The following MOXD1 variants were observed in gnomAD, a reference collection of about 807,000 sequenced individuals.
MOXD1 encodes the protein monooxygenase DBH like 1.
Under a neutral mutation model 66.6 loss-of-function variants are expected in MOXD1, and 62 were observed. That is an observed-to-expected ratio of 0.93 (90% confidence interval 0.76 to 1.15). The LOEUF is 1.15. MOXD1 is among the 50% of genes most tolerant of loss of function. The pLI, the probability that MOXD1 is intolerant of heterozygous loss-of-function variation, is 0.00. For missense variants in MOXD1, 847 were observed against 754.6 expected (o/e 1.12, Z -1.44); for synonymous variants, 303 against 281.9 (o/e 1.07, Z -0.75).
intron 1 of MOXD1, chr6:132,392,124 C>T (rs1204458361): frequency 1.0e-5 from 15 of 1,452,404 alleles, no homozygotes; most frequent in Middle Eastern, 1.8e-4. Context: ...TCTTTGTCGC[C>T]GTTGGCTGGG....
chr6:132,322,636 G>T (rs1775099205), intron 8 of MOXD1, 43 bp downstream of exon 8: 2 of 1,564,632 alleles, frequency 1.3e-6, no homozygotes, highest in South Asian at 1.2e-5. Flanking sequence ...TATGTCTCAT[G>T]ACTTTCATAA....
intron 4 of MOXD1, among the ~76,000 whole-genome samples, chr6:132,364,607 T>C (rs1330842865): frequency 6.6e-6 from 1 of 152,178 alleles, no homozygotes; most frequent in Non-Finnish European, 1.5e-5. Flanking sequence ...CACCAACTTA[T>C]CTCAGTAAAG....
chr6:132,355,014 C>A (rs182561207), intron 4 of MOXD1, among the ~76,000 whole-genome samples: 5 of 152,162 alleles, frequency 3.3e-5, no homozygotes, highest in Non-Finnish European at 5.9e-5. Context: ...GCCCCTCCCC[C>A]AACATCCTGT....
chr6:132,345,359 T>C (rs1775649581), intron 4 of MOXD1, among the ~76,000 whole-genome samples: 1 of 152,188 alleles, frequency 6.6e-6, no homozygotes, highest in Admixed American at 6.5e-5. Context: ...ATTTTGTCTA[T>C]CTATATTATC....
At chr6:132,344,221 A>T (rs1157029985) in intron 4 of MOXD1, among the ~76,000 whole-genome samples, 1 of 152,202 alleles carries the variant, frequency 6.6e-6, no homozygotes, top group African/African-American at 2.4e-5. Context: ...GTGTATTTTT[A>T]AAAATTCTGG....
intron 1 of MOXD1, among the ~76,000 whole-genome samples, chr6:132,395,527 T>C (rs756100875): frequency 1.3e-5 from 2 of 152,084 alleles, no homozygotes; most frequent in Non-Finnish European, 2.9e-5. Flanking sequence ...AGCTCTCACA[T>C]ATCAATAATA....
intron 1 of MOXD1, among the ~76,000 whole-genome samples, chr6:132,393,438 G>A (rs368921676): frequency 3.3e-4 from 50 of 152,298 alleles, no homozygotes; most frequent in African/African-American, 1.1e-3. Context: ...AAGCAAGGAA[G>A]CCAGCTTAGC....
chr6:132,302,140 A>G (rs1187715918), intron 10 of MOXD1, among the ~76,000 whole-genome samples: 2 of 152,152 alleles, frequency 1.3e-5, no homozygotes, highest in Admixed American at 1.3e-4. Flanking sequence ...TGGGCAATGA[A>G]CAACTAGAAG....
intron 9 of MOXD1, among the ~76,000 whole-genome samples, chr6:132,316,358 G>A (rs114612491): frequency 1.3e-5 from 2 of 151,992 alleles, no homozygotes; most frequent in African/African-American, 2.4e-5. Context: ...ACCTTCAATG[G>A]AGAAAAGTCA....
intron 1 of MOXD1, chr6:132,392,316 CAT>C (rs765758646): frequency 6.3e-7 from 1 of 1,583,558 alleles, no homozygotes; most frequent in South Asian, 1.2e-5. Flanking sequence ...GAAATGATAA[CAT>C]ATGTTTCAGC....
chr6:132,309,884 C>A (rs1774784958), intron 10 of MOXD1, among the ~76,000 whole-genome samples: 1 of 152,040 alleles, frequency 6.6e-6, no homozygotes, highest in South Asian at 2.1e-4. Flanking sequence ...TGTAAAACTG[C>A]AAACCATAGA....
At chr6:132,319,475 T>C (rs1165843810) in intron 9 of MOXD1, among the ~76,000 whole-genome samples, 5 of 152,052 alleles carry the variant, frequency 3.3e-5, no homozygotes. Context: ...ACATCTAGTG[T>C]TAGATTTTAT....
intron 4 of MOXD1, among the ~76,000 whole-genome samples, chr6:132,336,080 C>A (rs1164809449): frequency 6.6e-6 from 1 of 152,172 alleles, no homozygotes; most frequent in African/African-American, 2.4e-5. Flanking sequence ...TAACCTGTGG[C>A]TCCTTGCTTG....
chr6:132,391,407 G>C (rs927153867), intron 1 of MOXD1: 7 of 151,974 alleles, frequency 4.6e-5, no homozygotes, highest in Non-Finnish European at 1.0e-4. Context: ...AGACATTTTT[G>C]CGTATATGCT....
chr6:132,316,026 C>A (rs56731041), intron 9 of MOXD1, among the ~76,000 whole-genome samples: 2 of 152,120 alleles, frequency 1.3e-5, no homozygotes, highest in African/African-American at 4.8e-5. Context: ...GTAAACTTCT[C>A]AACACAGTGA....
intron 1 of MOXD1, 116 bp from the exon 2 acceptor site, chr6:132,374,893 T>G: frequency 1.5e-5 from 15 of 1,033,158 alleles, no homozygotes; most frequent in Middle Eastern, 3.1e-4. Flanking sequence ...ATCCCGGGAA[T>G]TTCCAAGGGG....
chr6:132,374,865 T>C (rs753096924), intron 1 of MOXD1, 88 bp from the exon 2 acceptor site: 3 of 1,286,712 alleles, frequency 2.3e-6, no homozygotes, highest in Non-Finnish European at 3.3e-6. Context: ...AGTCTTGTTG[T>C]CTAGAGTTAT....
intron 4 of MOXD1, among the ~76,000 whole-genome samples, chr6:132,350,055 T>G (rs1319254675): frequency 6.6e-6 from 1 of 152,218 alleles, no homozygotes; most frequent in Non-Finnish European, 1.5e-5. Flanking sequence ...TTGTGAAAAT[T>G]TTCCCCCACT....
intron 4 of MOXD1, among the ~76,000 whole-genome samples, chr6:132,343,261 G>A (rs577998655): frequency 3.7e-4 from 56 of 152,262 alleles, no homozygotes; most frequent in African/African-American, 1.3e-3. Flanking sequence ...TGGTGAAAAT[G>A]GGCAAAATAC....
Sources: gnomAD v4.1 joint callset for allele counts (sites outside exome capture counted in the v4.1 genomes callset) on GRCh38, gnomAD v4.1.1 for gene constraint, MANE v1.5 for transcripts, NCBI Gene and HGNC (gene_info 2026-07-23, HGNC 2026-07-21) for gene names.